The following SSH2 variants were observed in gnomAD, a reference collection of about 807,000 sequenced individuals.
The protein encoded by SSH2 is protein phosphatase Slingshot homolog 2.
In SSH2, 37 loss-of-function variants were observed where a neutral mutation model predicts 135.2. That is an observed-to-expected ratio of 0.27 (90% CI 0.21 to 0.36). The LOEUF (loss-of-function observed/expected upper bound fraction) is 0.36. SSH2 is among the 10% of genes least tolerant of loss of function. The pLI, the probability that SSH2 is intolerant of heterozygous loss-of-function variation, is 1.00. For missense variants in SSH2, 1,408 were observed against 1,765.3 expected, an observed-to-expected ratio of 0.80 and a Z score of 3.63; for synonymous variants, 628 against 646.2, an observed-to-expected ratio of 0.97 and a Z score of 0.43.
chr17:29,799,820 G>A (rs946509019), intron 2 of SSH2, among the ~76,000 whole-genome samples: 2 of 152,118 alleles, frequency 1.3e-5, no homozygotes, highest in African/African-American at 4.8e-5. Context: ...CACTGAATGG[G>A]TACCACACCC....
chr17:29,764,573 T>C (rs2041402122), intron 3 of SSH2, among the ~76,000 whole-genome samples: 1 of 152,228 alleles, frequency 6.6e-6, no homozygotes, highest in African/African-American at 2.4e-5. Context: ...AGAAGGGGCT[T>C]TCTGTAAAAA....
intron 1 of SSH2, among the ~76,000 whole-genome samples, chr17:29,902,408 T>C (rs1394728665): frequency 6.6e-6 from 1 of 152,186 alleles, no homozygotes; most frequent in Admixed American, 6.5e-5. Flanking sequence ...CCCGTTCTAG[T>C]TAACACTTGT....
At chr17:29,826,558 T>A (rs2042747679) in intron 2 of SSH2, among the ~76,000 whole-genome samples, 1 of 152,204 alleles carries the variant, frequency 6.6e-6, no homozygotes, top group African/African-American at 2.4e-5. Flanking sequence ...AATGCATTGA[T>A]GTTATTAGGT....
At chr17:29,800,452 G>A (rs998000359) in intron 2 of SSH2, among the ~76,000 whole-genome samples, 1 of 152,100 alleles carries the variant, frequency 6.6e-6, no homozygotes, top group South Asian at 2.1e-4. Flanking sequence ...AACAAGTGCA[G>A]AAACCAGATA....
intron 3 of SSH2, among the ~76,000 whole-genome samples, chr17:29,780,205 A>T (rs1381398134): frequency 6.6e-6 from 1 of 152,136 alleles, no homozygotes; most frequent in East Asian, 1.9e-4. Context: ...TGACAGAGCG[A>T]GACTCCATCT....
At chr17:29,746,890 A>C (rs1003802966) in intron 3 of SSH2, among the ~76,000 whole-genome samples, 2 of 152,234 alleles carry the variant, frequency 1.3e-5, no homozygotes, top group African/African-American at 4.8e-5. Context: ...GGGGTGATGA[A>C]GTATGCTTAA....
At chr17:29,696,647 A>C (rs190145808) in intron 4 of SSH2, among the ~76,000 whole-genome samples, 1,847 of 145,064 alleles carry the variant, frequency 0.013, 16 homozygotes, top group Non-Finnish European at 0.021. Context: ...ACACACACAC[A>C]CCTATGTATG....
At chr17:29,707,503 G>A (rs2039253846) in intron 3 of SSH2, among the ~76,000 whole-genome samples, 1 of 151,372 alleles carries the variant, frequency 6.6e-6, no homozygotes, top group South Asian at 2.1e-4. Flanking sequence ...GGAACAAATT[G>A]TACAAGGTAG....
At chr17:29,720,522 C>A (rs910202146) in intron 3 of SSH2, among the ~76,000 whole-genome samples, 3 of 152,162 alleles carry the variant, frequency 2.0e-5, no homozygotes, top group African/African-American at 7.2e-5. Flanking sequence ...TATGTTGAAT[C>A]TCTTTTAAAT....
rs760375093 is a variant in SSH2, at chr17:29,631,000, G to A, written c.4194C>T (p.Gly1398=). ...AGLELTSSEG[G]LPVLQTQGLQ... ...GTCCCTGGGTCTGTAGCACGGGAAG[G>A]CCTCCTTCAGAACTAGTCAATTCAA... is the stretch of plus-strand genomic sequence containing the variant. Residue 1398 remains glycine (G), a synonymous_variant, in exon 16 of 16, where the codon GGC becomes GGT. Coordinates refer to ENST00000540801, the MANE Select transcript of SSH2 (RefSeq NM_001282129.2). 5 of 1,613,852 alleles carry A rather than the reference G, an allele frequency of 3.1e-6. No homozygotes were observed. Among genetic ancestry groups the A allele is most frequent in the Non-Finnish European group, 2.5e-6 (3 of 1,179,760 alleles).
At chr17:29,899,160 A>G (rs1599162090) in intron 1 of SSH2, among the ~76,000 whole-genome samples, 1 of 151,966 alleles carries the variant, frequency 6.6e-6, no homozygotes. Flanking sequence ...TGACAAACCC[A>G]CAGCCAATAT....
chr17:29,701,876 T>A (rs2038997831), intron 4 of SSH2, among the ~76,000 whole-genome samples: 1 of 150,712 alleles, frequency 6.6e-6, no homozygotes, highest in Non-Finnish European at 1.5e-5. Context: ...TGGCCACATT[T>A]GGCTAATTTA....
At chr17:29,788,332 T>G (rs1252240272) in intron 3 of SSH2, among the ~76,000 whole-genome samples, 1 of 152,174 alleles carries the variant, frequency 6.6e-6, no homozygotes, top group Non-Finnish European at 1.5e-5. Flanking sequence ...AAAGGCTGAA[T>G]AAGGGAGAAG....
At chr17:29,679,242 A>G (rs1468760011) in intron 6 of SSH2, among the ~76,000 whole-genome samples, 4 of 152,074 alleles carry the variant, frequency 2.6e-5, no homozygotes, top group African/African-American at 9.7e-5. Context: ...ATGCCAATCT[A>G]TCTAGAGCGG....
chr17:29,728,279 C>T (rs1307170668), intron 3 of SSH2, among the ~76,000 whole-genome samples: 4 of 151,986 alleles, frequency 2.6e-5, no homozygotes, highest in African/African-American at 7.2e-5. Flanking sequence ...AATCTGAAAA[C>T]GAAATTTAAG....
At chr17:29,662,506 T>C (rs2037091918) in intron 11 of SSH2, among the ~76,000 whole-genome samples, 1 of 152,202 alleles carries the variant, frequency 6.6e-6, no homozygotes, top group Non-Finnish European at 1.5e-5. Context: ...ATGCCACACC[T>C]CCTGAATTTA....
intron 5 of SSH2, among the ~76,000 whole-genome samples, chr17:29,690,329 T>C (rs1179903890): frequency 2.0e-5 from 3 of 148,238 alleles, no homozygotes; most frequent in African/African-American, 7.5e-5. Context: ...CGCTTGAACC[T>C]GGGAGGCGGA....
At chr17:29,847,259 C>T (rs1599083387) in intron 2 of SSH2, among the ~76,000 whole-genome samples, 1 of 152,092 alleles carries the variant, frequency 6.6e-6, no homozygotes, top group Admixed American at 6.6e-5. Context: ...ACAAGCTTCA[C>T]AGTAAAGGGC....
At position 29,753,406 on chromosome 17, in the gene SSH2, T is replaced by C. The variant is rs545871002; in HGVS notation, c.188+40488A>G. On this transcript the variant is annotated intron_variant, in intron 3 of 15. Transcript: ENST00000540801. ...TCAGCCTCCCAAAGTGCTGGGATTATAGGTGTGAGCCACTGCGCCCGGCTT... is the reference window on the plus strand; with the variant it reads ...TCAGCCTCCCAAAGTGCTGGGATTACAGGTGTGAGCCACTGCGCCCGGCTT... Among the ~76,000 whole-genome samples the C allele has an allele frequency of 4.6e-5, 7 of 151,918 alleles. No individual in the cohort carries two copies. The South Asian group carries it at 1.2e-3, about 27-fold the overall frequency.
Sources: gnomAD v4.1 joint callset for allele counts (sites outside exome capture counted in the v4.1 genomes callset) on GRCh38, gnomAD v4.1.1 for gene constraint, MANE v1.5 for transcripts, NCBI Gene and HGNC (gene_info 2026-07-23, HGNC 2026-07-21) for gene names.